STK38L: variants seen among roughly 807,000 people sequenced by gnomAD.
STK38L encodes the protein serine/threonine-protein kinase 38-like.
STK38L carries 28 observed loss-of-function variants against 59.7 expected under a neutral mutation model. The observed-to-expected ratio is 0.47, with a 90% CI of 0.35 to 0.64. The LOEUF is 0.64. Ranked by LOEUF, STK38L falls within the 30% of genes least tolerant of loss-of-function variation. The pLI is 0.01. For missense variants in STK38L, 314 were observed against 555.8 expected, an observed-to-expected ratio of 0.56 and a Z score of 4.37; for synonymous variants, 162 against 176.8, an observed-to-expected ratio of 0.92 and a Z score of 0.66.
intron 1 of STK38L, among the ~76,000 whole-genome samples, chr12:27,280,075 G>A (rs574859379): frequency 4.7e-4 from 71 of 152,298 alleles, no homozygotes; most frequent in African/African-American, 1.7e-3. Context: ...TAACACAGAA[G>A]TGTTTGATAA....
chr12:27,262,839 C>A (rs1292988752), intron 1 of STK38L, among the ~76,000 whole-genome samples: 1 of 144,206 alleles, frequency 6.9e-6, no homozygotes, highest in Non-Finnish European at 1.5e-5. Context: ...TACTCTGTTG[C>A]CCAGGCTGGA....
At chr12:27,312,181 G>C (rs1944472408) in intron 5 of STK38L, among the ~76,000 whole-genome samples, 1 of 152,038 alleles carries the variant, frequency 6.6e-6, no homozygotes, top group African/African-American at 2.4e-5. Context: ...GCCCGGCCCT[G>C]CTTACTACTT....
intron 1 of STK38L, among the ~76,000 whole-genome samples, chr12:27,257,732 C>T (rs766780185): frequency 5.9e-5 from 9 of 152,152 alleles, no homozygotes; most frequent in Non-Finnish European, 1.2e-4. Context: ...TATGAGCCAA[C>T]TAGTACAGTG....
chr12:27,247,265 T>G (rs1267954651), intron 1 of STK38L, among the ~76,000 whole-genome samples: 1 of 152,232 alleles, frequency 6.6e-6, no homozygotes, highest in Non-Finnish European at 1.5e-5. Flanking sequence ...TAAGGTTAGA[T>G]AGCTATTGAG....
rs1944376670 is a variant in STK38L, at chr12:27,308,719, T to G, written c.309+258T>G. Among the ~76,000 whole-genome samples the G allele has an allele frequency of 6.6e-6, 1 of 151,412 alleles. No individual in the cohort carries two copies. The highest frequency in any genetic ancestry group is 1.5e-5 in the Non-Finnish European group (1 of 67,850). ...CTGTAATCCCAGCTACTTGGGAGGC[T>G]GAGGCAGGAGAATCGCTTGAGCCCA... On this transcript the variant is annotated intron_variant, in intron 4 of 13. Coordinates refer to ENST00000389032, the MANE Select transcript of STK38L (RefSeq NM_015000.4). This position sits in a 1 kb window ranked among gnomAD's most constrained non-coding sequence, Gnocchi z 4.5.
intron 1 of STK38L, among the ~76,000 whole-genome samples, chr12:27,245,445 G>A (rs148565647): frequency 2.0e-5 from 3 of 152,270 alleles, no homozygotes; most frequent in South Asian, 2.1e-4. Flanking sequence ...TGGGGCTTAC[G>A]TTTGACCGGT....
chr12:27,287,646 T>G (rs1182583135), intron 1 of STK38L, among the ~76,000 whole-genome samples: 2 of 152,208 alleles, frequency 1.3e-5, no homozygotes, highest in Non-Finnish European at 2.9e-5. Context: ...TTTTTAACTT[T>G]TATTTCTTCC....
intron 6 of STK38L, 57 bp from the exon 7 acceptor site, chr12:27,314,447 G>T: frequency 7.9e-7 from 1 of 1,269,862 alleles, no homozygotes; most frequent in South Asian, 2.2e-5. Flanking sequence ...GCTTTTACAA[G>T]GTATTCCACC....
At chr12:27,300,661 C>T (rs2136640233) in intron 2 of STK38L, 2 of 453,732 alleles carry the variant, frequency 4.4e-6, no homozygotes, top group South Asian at 3.1e-5. Context: ...AGGGTTGGGG[C>T]CTAGGGGAAA....
At position 27,322,423 on chromosome 12, in the gene STK38L, A is replaced by G. The variant is rs755333316; in HGVS notation, c.1363A>G (p.Ile455Val). 8 of 1,613,748 alleles carry G rather than the reference A, an allele frequency of 5.0e-6. No homozygotes were observed. Among genetic ancestry groups the G allele is most frequent in the Non-Finnish European group, 6.8e-6 (8 of 1,179,874 alleles). Residue 455 changes from isoleucine to valine, a missense_variant, in exon 14 of 14, where the codon ATC (isoleucine) becomes GTC (valine). Around this residue, in one of 3 missense-constraint regions of STK38L, gnomAD observed 94 missense variants for 142.2 expected, o/e 0.66. Coordinates refer to ENST00000389032, the MANE Select transcript of STK38L (RefSeq NM_015000.4). ...TGAAGGGTTGACTCAACGTGGCTCT[A>G]TCCCCACCTACATGAAAGCTGGGAA... is the stretch of plus-strand genomic sequence containing the variant. ...RFEGLTQRGS[I>V]PTYMKAGKL
At position 27,312,634 on chromosome 12, in the gene STK38L, A is replaced by T. The variant is rs113318303; in HGVS notation, c.479A>T (p.Lys160Met). Residue 160 changes from lysine (K) to methionine (M), a missense_variant, in exon 6 of 14, where the codon AAG (lysine) becomes ATG (methionine). This residue lies in a region of STK38L where 192 missense variants were observed against 316.9 expected (regional missense o/e 0.61). Coordinates refer to ENST00000389032, the MANE Select transcript of STK38L (RefSeq NM_015000.4). ...VVKMFYSFQD[K>M]RNLYLIMEFL... ...AAGATGTTTTACAGTTTTCAGGATA[A>T]GAGGAATCTTTATCTAATCATGGAA... The T allele has an allele frequency of 6.2e-7, 1 of 1,614,124 alleles. No individual in the cohort carries two copies. The highest frequency in any genetic ancestry group is 2.2e-5 in the East Asian group (1 of 44,856).
At chr12:27,244,591 C>T (rs1942808662) in intron 1 of STK38L, among the ~76,000 whole-genome samples, 1 of 152,176 alleles carries the variant, frequency 6.6e-6, no homozygotes, top group African/African-American at 2.4e-5. Context: ...GCTCCTTTCT[C>T]CTTCCACTCC....
chr12:27,294,526 G>A (rs71452045), intron 1 of STK38L, among the ~76,000 whole-genome samples: 11,929 of 149,634 alleles, frequency 0.08, 543 homozygotes, highest in South Asian at 0.12. Flanking sequence ...AAAAAAAGAT[G>A]CTGGGAAGTC....
chr12:27,267,699 T>C (rs1247777540), intron 1 of STK38L, among the ~76,000 whole-genome samples: 1 of 150,506 alleles, frequency 6.6e-6, no homozygotes, highest in Non-Finnish European at 1.5e-5. Flanking sequence ...ATCTATACCC[T>C]CACCAGCAGT....
chr12:27,248,054 A>G (rs1413662916), intron 1 of STK38L, among the ~76,000 whole-genome samples: 1 of 152,044 alleles, frequency 6.6e-6, no homozygotes, highest in Non-Finnish European at 1.5e-5. Context: ...GGCTCAAGTG[A>G]TCCTCCTGCC....
intron 1 of STK38L, among the ~76,000 whole-genome samples, chr12:27,252,271 G>A (rs1942992039): frequency 6.6e-6 from 1 of 152,196 alleles, no homozygotes; most frequent in Non-Finnish European, 1.5e-5. Flanking sequence ...GAGCCACCAT[G>A]CCCGGCCTAC....
chr12:27,277,377 G>A (rs1359330562), intron 1 of STK38L, among the ~76,000 whole-genome samples: 1 of 134,552 alleles, frequency 7.4e-6, no homozygotes, highest in African/African-American at 2.8e-5. Flanking sequence ...ACAGCAGTAG[G>A]AGAACTGGAA....
chr12:27,312,781 C>A, intron 6 of STK38L, 109 bp downstream of exon 6: 1 of 1,318,740 alleles, frequency 7.6e-7, no homozygotes, highest in Non-Finnish European at 1.0e-6. Context: ...TGAGGCTTTA[C>A]ATAGTCACAG....
chr12:27,255,258 G>A (rs1943067919), intron 1 of STK38L, among the ~76,000 whole-genome samples: 2 of 152,188 alleles, frequency 1.3e-5, no homozygotes, highest in Non-Finnish European at 2.9e-5. Flanking sequence ...TACTAACCAA[G>A]AGTGTAACTG....
Sources: allele counts gnomAD v4.1 joint callset (sites outside exome capture counted in the v4.1 genomes callset), GRCh38; gene constraint gnomAD v4.1.1; regional missense constraint gnomAD v4.1.1; non-coding constraint Gnocchi (gnomAD v3.1); transcripts MANE v1.5; gene names NCBI Gene and HGNC (gene_info 2026-07-23, HGNC 2026-07-21).